Variants in CD109 observed in about 807,000 individuals in gnomAD.
CD109 encodes the protein CD109 molecule.
A neutral mutation model predicts 165.8 loss-of-function variants in CD109; 149 were observed. That is an observed-to-expected ratio of 0.90 (90% CI 0.79 to 1.03). The LOEUF is 1.03. CD109 is among the 50% of genes least tolerant of loss of function. The pLI is 0.00. For synonymous variants in CD109, 585 were observed against 592.1 expected (o/e 0.99, Z 0.18); for missense variants, 1,712 against 1,677.8 (o/e 1.02, Z -0.36).
intron 4 of CD109, among the ~76,000 whole-genome samples, chr6:73,734,488 T>G (rs986389428): frequency 6.6e-6 from 1 of 152,284 alleles, no homozygotes; most frequent in Non-Finnish European, 1.5e-5. Context: ...ATTGGCTATT[T>G]GTATTTCTTC....
At position 73,815,009 on chromosome 6, in the gene CD109, C is replaced by T. The variant is rs777815982; in HGVS notation, c.3797C>T (p.Ser1266Phe). 11 of 1,575,738 alleles carry T rather than the reference C, an allele frequency of 7.0e-6. No homozygotes were observed. The East Asian group carries it at 1.6e-4, about 23-fold the overall frequency. ...QLNVVYNVKA[S>F]GSSRRRRSIQ... ...AATGTTGTATATAATGTGAAGGCTT[C>T]TGGGTCTTCTAGAAGACGAAGATCT... Residue 1266 changes from serine to phenylalanine, a missense_variant, in exon 30 of 33, where the codon TCT becomes TTT. By Grantham distance (155) the Ser-to-Phe change is radical (BLOSUM62 -2). Transcript: ENST00000287097.
rs146005938 is a variant in CD109, at chr6:73,739,812, C to T, written c.633+3304C>T. On this transcript the variant is annotated intron_variant, in intron 5 of 32. Transcript: ENST00000287097. ...GCAGTGAGCCAAGATCATGCCACCG[C>T]TCTCCAGCCTGGGCGACAGAGTGAT... is the stretch of plus-strand genomic sequence containing the variant. Among the ~76,000 whole-genome samples the T allele has an allele frequency of 1.2e-4, 18 of 152,182 alleles. No individual in the cohort carries two copies. The East Asian group carries it at 3.3e-3, about 28-fold the overall frequency.
intron 5 of CD109, among the ~76,000 whole-genome samples, chr6:73,741,489 A>G (rs1772783654): frequency 6.6e-6 from 1 of 152,210 alleles, no homozygotes; most frequent in Non-Finnish European, 1.5e-5. Context: ...GTGTGGGAAT[A>G]TGTTCTGATT....
intron 19 of CD109, among the ~76,000 whole-genome samples, chr6:73,784,210 A>G (rs2062775070): frequency 6.6e-6 from 1 of 152,214 alleles, no homozygotes; most frequent in Non-Finnish European, 1.5e-5. Context: ...CCAATATTCC[A>G]TCATGTCTTT....
the CD109 span, among the ~76,000 whole-genome samples, chr6:73,680,913 CTT>C: frequency 6.6e-6 from 1 of 152,262 alleles, no homozygotes; most frequent in South Asian, 2.1e-4. Flanking sequence ...GAAGAGAATG[CTT>C]TCTCTTCAGT....
chr6:73,820,034 T>C (rs1343259130), intron 31 of CD109, among the ~76,000 whole-genome samples: 1 of 152,180 alleles, frequency 6.6e-6, no homozygotes, highest in African/African-American at 2.4e-5. Context: ...ATCTCAGTCA[T>C]TGGCTGTGGA....
At chr6:73,707,958 A>G (rs1771347194) in intron 2 of CD109, among the ~76,000 whole-genome samples, 1 of 118,014 alleles carries the variant, frequency 8.5e-6, no homozygotes, top group Non-Finnish European at 1.7e-5. Flanking sequence ...TAAAATTGTT[A>G]TCTTTATATA....
Position 73,749,723 on chromosome 6 carries a change from T to C in CD109, c.634-6920T>C, listed in dbSNP as rs563472256. Among the ~76,000 whole-genome samples, 9 of 152,346 alleles carry C rather than the reference T, an allele frequency of 5.9e-5. No homozygotes were observed. The East Asian group carries it at 1.5e-3, about 26-fold the overall frequency. On this transcript the variant is annotated intron_variant, in intron 5 of 32. Transcript: ENST00000287097. The stretch of plus-strand genomic sequence containing the variant: ...GGATCATACCTTCATAATTTTCCTC[T>C]GGTTATAAAAGTAATGCATGAGTAA...
chr6:73,743,624 C>T (rs1172670654), intron 5 of CD109, among the ~76,000 whole-genome samples: 1 of 152,118 alleles, frequency 6.6e-6, no homozygotes, highest in Non-Finnish European at 1.5e-5. Context: ...TCTCTGGAGC[C>T]GTTTTTCTTT....
At chr6:73,782,978 CTT>C (rs77280841) in intron 18 of CD109, among the ~76,000 whole-genome samples, 121 of 138,742 alleles carry the variant, frequency 8.7e-4, no homozygotes, top group Non-Finnish European at 8.5e-4. Context: ...GAAGATAGGC[CTT>C]TTTTTTTTTT....
chr6:73,809,614 T>G (rs1775682643), intron 26 of CD109, among the ~76,000 whole-genome samples: 1 of 152,132 alleles, frequency 6.6e-6, no homozygotes, highest in African/African-American at 2.4e-5. Context: ...TTCCTTTGAG[T>G]ATCATGTCAG....
At chr6:73,757,011 T>C (rs779329847) in intron 6 of CD109, among the ~76,000 whole-genome samples, 2 of 152,334 alleles carry the variant, frequency 1.3e-5, no homozygotes, top group Non-Finnish European at 2.9e-5. Context: ...TTCTCTTCCA[T>C]ATTTTTCATT....
rs933272548 is a variant in CD109 at position 73,826,811 on chromosome 6, G to A, written c.*3178G>A. The A allele has an allele frequency of 1.8e-4, 27 of 150,942 alleles. No homozygotes were observed. The highest frequency in any genetic ancestry group is 3.2e-4 in the Non-Finnish European group (22 of 67,858). The allele number at this position is 150,942 out of a possible 1,614,324, so 9.4% of individuals were successfully genotyped here. Reference sequence around the variant, plus strand: ...GTGGAAATATTCAGAATTGTAGATAGCATAACTCTCCCTGCTCCTATTCTT... The same window carrying A: ...GTGGAAATATTCAGAATTGTAGATAACATAACTCTCCCTGCTCCTATTCTT... On this transcript the variant is annotated 3_prime_UTR_variant, in exon 33 of 33. Transcript: ENST00000287097.
rs182829999 is a variant in CD109, at chr6:73,769,732, C to T, written c.1674+1501C>T. 5.3e-4 allele frequency among the ~76,000 whole-genome samples: 81 copies of T among 152,280 alleles called. 1 individual carries two copies. The highest frequency in any genetic ancestry group is 1.9e-3 in the African/African-American group (81 of 41,556). On this transcript the variant is annotated intron_variant, in intron 14 of 32. Coordinates refer to ENST00000287097, the MANE Select transcript of CD109 (RefSeq NM_133493.5). The stretch of plus-strand genomic sequence containing the variant: ...TTTAGAAATCATCCACACAGAAGTG[C>T]AAGTTGAAGCCATGGGGCTCTGAGG...
intron 29 of CD109, among the ~76,000 whole-genome samples, chr6:73,813,862 A>G (rs1775836691): frequency 6.6e-6 from 1 of 152,146 alleles, no homozygotes; most frequent in Non-Finnish European, 1.5e-5. Flanking sequence ...CTCTAAAGGG[A>G]CAATTGCATG....
intron 3 of CD109, among the ~76,000 whole-genome samples, chr6:73,727,884 C>T (rs762892058): frequency 1.3e-5 from 2 of 152,146 alleles, no homozygotes; most frequent in African/African-American, 4.8e-5. Flanking sequence ...TTCAAAGAGT[C>T]TGAGGACTGA....
At chr6:73,694,248 C>T (rs550786467), upstream of CD109, 1 of 152,272 alleles carries the variant, frequency 6.6e-6, no homozygotes, top group Admixed American at 6.5e-5. Flanking sequence ...TTTCATTAAT[C>T]CTTTTAACAC....
chr6:73,704,644 C>T (rs1444875402), intron 2 of CD109, among the ~76,000 whole-genome samples: 1 of 152,118 alleles, frequency 6.6e-6, no homozygotes, highest in African/African-American at 2.4e-5. Context: ...TACTGTTGAT[C>T]CTTTATGTCC....
At chr6:73,696,349 C>G in intron 1 of CD109, 60 bp downstream of exon 1, 2 of 1,325,668 alleles carry the variant, frequency 1.5e-6, no homozygotes, top group South Asian at 1.8e-5. Context: ...CTCTGCGGCT[C>G]TGGGCCAGGG....
Sources: gnomAD v4.1 joint callset for allele counts (sites outside exome capture counted in the v4.1 genomes callset) on GRCh38, gnomAD v4.1.1 for gene constraint, MANE v1.5 for transcripts, NCBI Gene and HGNC (gene_info 2026-07-23, HGNC 2026-07-21) for gene names.